NIBAN3: variants seen among roughly 807,000 people sequenced by gnomAD.
The protein encoded by NIBAN3 is protein Niban 3.
Under a neutral mutation model 76.4 loss-of-function variants are expected in NIBAN3, and 66 were observed. The ratio of observed to expected loss-of-function variants is 0.86; its 90% CI spans 0.71 to 1.06. The LOEUF (loss-of-function observed/expected upper bound fraction) is 1.06. Among genes scored for constraint, NIBAN3 ranks in the 50% least tolerant of loss-of-function variants. NIBAN3 has a pLI of 0.00. For synonymous variants in NIBAN3, 360 were observed against 355.2 expected, an observed-to-expected ratio of 1.01 and a Z score of -0.15; for missense variants, 808 against 810.7, an observed-to-expected ratio of 1.00 and a Z score of 0.04.
chr19:17,553,104 G>A lies in NIBAN3; in HGVS notation c.*1206G>A. 1 of 684,556 alleles carries A rather than the reference G, an allele frequency of 1.5e-6. No homozygotes were observed. Among genetic ancestry groups the A allele is most frequent in the Non-Finnish European group, 2.2e-6 (1 of 450,618 alleles). The allele number at this position is 684,556 out of a possible 1,614,324, so 42.4% of individuals were successfully genotyped here. ...AAACAAAATCCAAATATGTTGATTAGCCATTTACATGTTTGTAGTTTTTTT... is the reference window on the plus strand; with the variant it reads ...AAACAAAATCCAAATATGTTGATTAACCATTTACATGTTTGTAGTTTTTTT... On this transcript the variant is annotated 3_prime_UTR_variant, in exon 15 of 15. Coordinates refer to ENST00000599164, the MANE Select transcript of NIBAN3 (RefSeq NM_001321827.2).
rs375860647 is a variant in NIBAN3, at chr19:17,553,280, G to C, written c.*1382G>C. On this transcript the variant is annotated 3_prime_UTR_variant, in exon 15 of 15. Transcript: ENST00000599164. The stretch of plus-strand genomic sequence containing the variant: ...TACAGATTTTGGGGTTTTTTTCTCC[G>C]CTTGCTGTGAGCCTTTTGGGTTTGT... 6.2e-7 allele frequency: 1 copy of C among 1,602,960 alleles called. No individual in the cohort carries two copies. The highest frequency in any genetic ancestry group is 2.2e-5 in the East Asian group (1 of 44,678).
In NIBAN3 at chr19:17,542,295, G is replaced by C; in HGVS notation, c.1329+1G>C. ...TGGGGCCCAAGATCTTGCACAGCAG[G>C]TGAGGGTGAGAGGAGGCTGGGATGA... On this transcript the variant is annotated splice_donor_variant, in intron 10 of 14. Transcript: ENST00000599164. LOFTEE classifies it high-confidence loss of function. The surrounding 1 kb of genome is among the most constrained non-coding windows in gnomAD (Gnocchi z 4.8). 6.2e-7 allele frequency: 1 copy of C among 1,603,204 alleles called. No homozygotes were observed. Among genetic ancestry groups the C allele is most frequent in the Non-Finnish European group, 8.5e-7 (1 of 1,174,660 alleles).
chr19:17,555,501 A>G (rs2076203876), downstream of NIBAN3: 3 of 317,862 alleles, frequency 9.4e-6, no homozygotes, highest in Admixed American at 5.4e-5. Context: ...TGCCTTTAAG[A>G]TCGGTGCGGG....
At chr19:17,545,037 C>G (rs113712789) in intron 12 of NIBAN3, among the ~76,000 whole-genome samples, 6 of 152,028 alleles carry the variant, frequency 3.9e-5, no homozygotes, top group African/African-American at 1.4e-4. Flanking sequence ...GTGGTGCACG[C>G]CTGTAGTCCA....
At chr19:17,550,722 T>C (rs1245798986) in intron 14 of NIBAN3, among the ~76,000 whole-genome samples, 1 of 151,988 alleles carries the variant, frequency 6.6e-6, no homozygotes, top group Non-Finnish European at 1.5e-5. Flanking sequence ...GGATTTGCAA[T>C]TGGATGTGAG....
intron 8 of NIBAN3, 139 bp downstream of exon 8, chr19:17,539,904 T>C (rs2075910383): frequency 3.8e-6 from 1 of 265,854 alleles, no homozygotes; most frequent in Non-Finnish European, 6.4e-6. Context: ...AAGCATAGGA[T>C]GTGCAAGGGA....
intron 2 of NIBAN3, among the ~76,000 whole-genome samples, chr19:17,531,861 C>A (rs1447112833): frequency 6.6e-6 from 1 of 152,170 alleles, no homozygotes; most frequent in Non-Finnish European, 1.5e-5. Context: ...GGTTGTGTGC[C>A]CCACACACCT....
downstream of NIBAN3, among the ~76,000 whole-genome samples, chr19:17,554,002 C>T (rs2144806324): frequency 6.6e-6 from 1 of 151,788 alleles, no homozygotes; most frequent in East Asian, 2.0e-4. Context: ...TCCGTAGTAG[C>T]TGGGATTACA....
In NIBAN3 at chr19:17,537,544, G is replaced by T. The variant is rs2075848182; in HGVS notation, c.595+1G>T. The T allele has an allele frequency of 6.3e-7, 1 of 1,585,712 alleles. No homozygotes were observed. On this transcript the variant is annotated splice_donor_variant, in intron 5 of 14. Coordinates refer to ENST00000599164, the MANE Select transcript of NIBAN3 (RefSeq NM_001321827.2). LOFTEE classifies it high-confidence loss of function. ...GGTGGCATCCGGCTTCAGGGCATAGGTGGGTCTCAGGACGGGTCAGACATT... is the reference window on the plus strand; with the variant it reads ...GGTGGCATCCGGCTTCAGGGCATAGTTGGGTCTCAGGACGGGTCAGACATT...
At position 17,537,449 on chromosome 19, in the gene NIBAN3, C is replaced by T. The variant is rs2075845728; in HGVS notation, c.501C>T (p.Pro167=). 2 of 1,613,914 alleles carry T rather than the reference C, an allele frequency of 1.2e-6. No individual in the cohort carries two copies. Among genetic ancestry groups the T allele is most frequent in the Admixed American group, 1.7e-5 (1 of 59,998 alleles). The change falls in exon 5 of 15, where the codon CCC becomes CCT. Residue 167 remains proline (P), a synonymous_variant. Coordinates refer to ENST00000599164, the MANE Select transcript of NIBAN3 (RefSeq NM_001321827.2). ...PVSFPLFLQH[P]FRRHLCFSAA... is the part of the protein sequence containing the mutation. ...GCTTCCCGCTGTTCCTGCAGCACCC[C>T]TTCCGCCGGCACCTCTGCTTCTCTG... is the stretch of plus-strand genomic sequence containing the variant.
downstream of NIBAN3, chr19:17,555,488 A>C: frequency 3.6e-6 from 1 of 274,218 alleles, no homozygotes; most frequent in Non-Finnish European, 6.3e-6. Context: ...TCCGAGCGCT[A>C]TGTGCCTTTA....
intron 14 of NIBAN3, among the ~76,000 whole-genome samples, chr19:17,550,568 C>T (rs890289308): frequency 2.0e-5 from 3 of 151,950 alleles, no homozygotes; most frequent in African/African-American, 7.3e-5. Flanking sequence ...CCGGGAGGCC[C>T]AGGTGGGAGG....
Position 17,553,519 on chromosome 19 carries a change from TCCTC to T in NIBAN3, c.*1624_*1627del, listed in dbSNP as rs758382976. The T allele has an allele frequency of 6.2e-7, 1 of 1,614,232 alleles. No homozygotes were observed. Among genetic ancestry groups the T allele is most frequent in the South Asian group, 1.1e-5 (1 of 91,090 alleles). ...ACTTTCACACTCCCTGGAGACCGTT[TCCTC>T]CCATTCTGTCTGGAGTTTTCGGCCT... On this transcript the variant is annotated 3_prime_UTR_variant, in exon 15 of 15. Coordinates refer to ENST00000599164, the MANE Select transcript of NIBAN3 (RefSeq NM_001321827.2).
rs553842588 is a variant in NIBAN3, at chr19:17,528,144, T to G, written c.55+749T>G. 1.1e-4 allele frequency among the ~76,000 whole-genome samples: 16 copies of G among 152,110 alleles called. No individual in the cohort carries two copies. In the South Asian group the frequency reaches 3.3e-3, roughly 32 times the overall value. On this transcript the variant is annotated intron_variant, in intron 1 of 14. Transcript: ENST00000599164. ...TCTCCCTCTGTTGCCCAGGCTAGAG[T>G]GCAGTGGCGCAATCTTGGCTCACTG... is the stretch of plus-strand genomic sequence containing the variant.
chr19:17,527,382 G>A lies in NIBAN3; in HGVS notation c.42G>A (p.Arg14=), dbSNP rs2075623904. ...RPSSPLDKQQ[R]QHLRGQVDTL... ...CGAGCCCTCTGGACAAGCAGCAGCG[G>A]CAGCACCTAAGGGGTGAGCAGCCGG... Residue 14 remains arginine, a synonymous_variant, in exon 1 of 15, where the codon CGG becomes CGA. Coordinates refer to ENST00000599164, the MANE Select transcript of NIBAN3 (RefSeq NM_001321827.2). 6.5e-7 allele frequency: 1 copy of A among 1,534,552 alleles called. No homozygotes were observed. The highest frequency in any genetic ancestry group is 1.2e-5 in the South Asian group (1 of 82,654).
intron 1 of NIBAN3, among the ~76,000 whole-genome samples, 191 bp from the exon 2 acceptor site, chr19:17,530,564 C>A (rs2075701645): frequency 6.6e-6 from 1 of 150,734 alleles, no homozygotes; most frequent in Non-Finnish European, 1.5e-5. Context: ...AAAAGAAGCT[C>A]CCTCACCCAG....
Position 17,549,527 on chromosome 19 carries a change from G to A in NIBAN3, c.1750G>A (p.Asp584Asn). 1.2e-6 allele frequency: 2 copies of A among 1,612,188 alleles called. No homozygotes were observed. The highest frequency in any genetic ancestry group is 1.7e-6 in the Non-Finnish European group (2 of 1,178,250). ...GGTCCCATGGGAACAGGAGGGAGCA[G>A]GTGGGGAACTTCACAGGCTTCTGAA... ...LEVPWEQEGA[D>N]EETEAEREGG... The change falls in exon 14 of 15, where the codon GAT becomes AAT. Residue 584 changes from aspartate (D) to asparagine (N), a missense_variant and splice_region_variant. Transcript: ENST00000599164.
intron 13 of NIBAN3, 130 bp downstream of exon 13, chr19:17,546,927 C>A: frequency 8.3e-7 from 1 of 1,205,508 alleles, no homozygotes; most frequent in Non-Finnish European, 1.1e-6. Flanking sequence ...CAGGACTTGG[C>A]CTGAGGAGGT....
In NIBAN3 at chr19:17,543,329, G is replaced by A. The variant is rs779409000; in HGVS notation, c.1342G>A (p.Ala448Thr). 5.8e-6 allele frequency: 9 copies of A among 1,564,670 alleles called. No individual in the cohort carries two copies. Among genetic ancestry groups the A allele is most frequent in the African/African-American group, 2.7e-5 (2 of 74,022 alleles). ...TCTCCTCCCACAGCTCATGGCTGAC[G>A]CCGTGGCCACCTTCCTGCAGCTGGC... Reference protein sequence around the residue: ...QDLAQQLMADAVATFLQLADQ... With the variant: ...QDLAQQLMADTVATFLQLADQ... Residue 448 changes from alanine (A) to threonine (T), a missense_variant, in exon 11 of 15, where the codon GCC becomes ACC. Transcript: ENST00000599164.
Sources: allele counts gnomAD v4.1 joint callset (sites outside exome capture counted in the v4.1 genomes callset), GRCh38; gene constraint gnomAD v4.1.1; non-coding constraint Gnocchi (gnomAD v3.1); transcripts MANE v1.5; gene names NCBI Gene and HGNC (gene_info 2026-07-23, HGNC 2026-07-21).